Variants in DNAJC15 observed in about 807,000 individuals in gnomAD.
DNAJC15 encodes the protein dnaJ homolog subfamily C member 15.
DNAJC15 carries 27 observed loss-of-function variants against 22.4 expected under a neutral mutation model. The observed-to-expected ratio is 1.20, with a 90% CI of 0.89 to 1.66. The LOEUF (loss-of-function observed/expected upper bound fraction) is 1.66, where lower values mean the gene tolerates loss of function less well. Among genes scored for constraint, DNAJC15 ranks in the 40% most tolerant of loss-of-function variants. The pLI is 0.00. For synonymous variants in DNAJC15, 79 were observed against 63.2 expected (o/e 1.25, Z -1.19); for missense variants, 208 against 187.1 (o/e 1.11, Z -0.65).
At position 43,110,988 on chromosome 13, in the gene DNAJC15, T is replaced by TA. The variant is rs2040822217; in HGVS notation, c.*3741dup. 1 of 152,238 alleles carries TA rather than the reference T, an allele frequency of 6.6e-6. No individual in the cohort carries two copies. Among genetic ancestry groups the TA allele is most frequent in the Admixed American group, 6.5e-5 (1 of 15,282 alleles). The allele number at this position is 152,238 out of a possible 1,614,324, so 9.4% of individuals were successfully genotyped here. A position where few individuals can be genotyped will look rare whatever the true frequency, so the allele number is the denominator to read the frequency against. On this transcript the variant is annotated 3_prime_UTR_variant, in exon 6 of 6. Coordinates refer to ENST00000379221, the MANE Select transcript of DNAJC15 (RefSeq NM_013238.3). The stretch of plus-strand genomic sequence containing the variant: ...GCAGTTTCTGTGCATACTTACATCT[T>TA]AGATGCAATCTGAGGGCCTAGGAAG...
chr13:43,035,609 C>A (rs1036151593), intron 1 of DNAJC15, among the ~76,000 whole-genome samples: 1 of 152,190 alleles, frequency 6.6e-6, no homozygotes, highest in African/African-American at 2.4e-5. Flanking sequence ...AATTCAAGGA[C>A]TTCATTACTA....
At chr13:43,026,541 A>G (rs543955259) in intron 1 of DNAJC15, among the ~76,000 whole-genome samples, 151 of 152,318 alleles carry the variant, frequency 9.9e-4, no homozygotes, top group African/African-American at 3.6e-3. Context: ...GATTGTTGAT[A>G]ATAACTTTAG....
chr13:43,078,141 A>T (rs1593324164), intron 3 of DNAJC15, among the ~76,000 whole-genome samples: 1 of 151,810 alleles, frequency 6.6e-6, no homozygotes, highest in Non-Finnish European at 1.5e-5. Context: ...CAGCATTGAA[A>T]CCTTTTAATC....
chr13:43,102,813 T>G (rs1445414317), intron 5 of DNAJC15, among the ~76,000 whole-genome samples: 1 of 152,068 alleles, frequency 6.6e-6, no homozygotes, highest in African/African-American at 2.4e-5. Context: ...CCTTGTGACA[T>G]TTTCATTAGG....
At position 43,034,523 on chromosome 13, in the gene DNAJC15, G is replaced by C. The variant is rs1476005501; in HGVS notation, c.108+10789G>C. On this transcript the variant is annotated intron_variant, in intron 1 of 5. Transcript: ENST00000379221. ...GTAGAGACGGGGTTTCCCCGTGTTA[G>C]CCAGGATGGTCTTGTTCTCCTGACC... 2.6e-5 allele frequency among the ~76,000 whole-genome samples: 4 copies of C among 151,718 alleles called. No homozygotes were observed. In the East Asian group the frequency reaches 5.8e-4, roughly 22 times the overall value.
chr13:43,080,176 G>C (rs917431553), intron 4 of DNAJC15, among the ~76,000 whole-genome samples: 2 of 152,026 alleles, frequency 1.3e-5, no homozygotes, highest in African/African-American at 2.4e-5. Context: ...TGTCACCCAA[G>C]TACTAAGCCT....
intron 4 of DNAJC15, among the ~76,000 whole-genome samples, chr13:43,079,613 T>C (rs2040652426): frequency 6.6e-6 from 1 of 152,156 alleles, no homozygotes; most frequent in Admixed American, 6.5e-5. Context: ...CTGCCAACTA[T>C]TTCTTGCTTA....
At chr13:43,039,806 A>G (rs1486973905) in intron 1 of DNAJC15, among the ~76,000 whole-genome samples, 2 of 152,188 alleles carry the variant, frequency 1.3e-5, no homozygotes, top group Non-Finnish European at 2.9e-5. Context: ...ACCTGAAGTC[A>G]GGAGTTCAAA....
intron 1 of DNAJC15, among the ~76,000 whole-genome samples, chr13:43,040,063 G>A (rs1425269405): frequency 6.6e-6 from 1 of 152,264 alleles, no homozygotes; most frequent in Non-Finnish European, 1.5e-5. Context: ...TAGGACTAGT[G>A]AATTAAATAG....
chr13:43,103,762 G>T (rs2040782426), intron 5 of DNAJC15, among the ~76,000 whole-genome samples: 1 of 152,144 alleles, frequency 6.6e-6, no homozygotes, highest in Admixed American at 6.5e-5. Context: ...TTGTAGATTT[G>T]TGGGTTTTTC....
At chr13:43,075,468 T>A (rs2040629177) in intron 3 of DNAJC15, among the ~76,000 whole-genome samples, 2 of 152,188 alleles carry the variant, frequency 1.3e-5, no homozygotes, top group African/African-American at 4.8e-5. Context: ...CATTGAAATA[T>A]TTTTTTCCTG....
chr13:43,043,764 TAAAAAC>T (rs1296030608), intron 1 of DNAJC15, among the ~76,000 whole-genome samples: 4 of 152,242 alleles, frequency 2.6e-5, no homozygotes, highest in Non-Finnish European at 4.4e-5. Flanking sequence ...TTAAGCAACT[TAAAAAC>T]AGAGCAAATA....
At chr13:43,057,313 T>G (rs1377062416) in intron 1 of DNAJC15, among the ~76,000 whole-genome samples, 1 of 152,146 alleles carries the variant, frequency 6.6e-6, no homozygotes, top group African/African-American at 2.4e-5. Flanking sequence ...TAAATTCTTT[T>G]TTGTCTTTGT....
intron 5 of DNAJC15, among the ~76,000 whole-genome samples, chr13:43,088,960 GAA>G (rs749158168): frequency 6.6e-6 from 1 of 151,804 alleles, no homozygotes; most frequent in African/African-American, 2.4e-5. Context: ...TTGGTAAAGA[GAA>G]AATTTTGTTT....
At chr13:43,024,408 A>G (rs894862154) in intron 1 of DNAJC15, among the ~76,000 whole-genome samples, 11 of 129,686 alleles carry the variant, frequency 8.5e-5, no homozygotes, top group Non-Finnish European at 1.4e-4. Flanking sequence ...CAGTGGCGCG[A>G]TCTCGGCTCA....
intron 1 of DNAJC15, among the ~76,000 whole-genome samples, chr13:43,051,701 A>G (rs1283728897): frequency 2.6e-5 from 4 of 151,628 alleles, no homozygotes; most frequent in Admixed American, 2.0e-4. Context: ...TTTGATGAGC[A>G]TTTGGGCTGG....
At chr13:43,079,182 A>T (rs2040650045) in intron 4 of DNAJC15, among the ~76,000 whole-genome samples, 1 of 152,140 alleles carries the variant, frequency 6.6e-6, no homozygotes. Context: ...GCTGTGTGAT[A>T]TCATTTAACA....
At position 43,065,747 on chromosome 13, in the gene DNAJC15, A is replaced by G; in HGVS notation, c.160+10A>G. ...GCTCTTGCATTTGCAGGTAAGATAA[A>G]GAATACATACCAATAAATTGCAGGA... On this transcript the variant is annotated intron_variant, in intron 2 of 5. Transcript: ENST00000379221. 1.9e-6 allele frequency: 3 copies of G among 1,612,404 alleles called. No individual in the cohort carries two copies. Among genetic ancestry groups the G allele is most frequent in the Non-Finnish European group, 2.5e-6 (3 of 1,178,990 alleles).
At chr13:43,093,930 T>C (rs923048372) in intron 5 of DNAJC15, among the ~76,000 whole-genome samples, 2 of 152,228 alleles carry the variant, frequency 1.3e-5, no homozygotes, top group Admixed American at 1.3e-4. Flanking sequence ...AATATCAACC[T>C]CTACATTCAT....
Sources: gnomAD v4.1 joint callset for allele counts (sites outside exome capture counted in the v4.1 genomes callset) on GRCh38, gnomAD v4.1.1 for gene constraint, MANE v1.5 for transcripts, NCBI Gene and HGNC (gene_info 2026-07-23, HGNC 2026-07-21) for gene names.